The following CERS6 variants were observed in gnomAD, a reference collection of about 807,000 sequenced individuals.
CERS6 encodes ceramide synthase 6.
Under a neutral mutation model 56.8 loss-of-function variants are expected in CERS6, and 26 were observed. That is an observed-to-expected ratio of 0.46 (90% confidence interval 0.34 to 0.63). CERS6 has a LOEUF of 0.63. Ranked by LOEUF, CERS6 falls within the 30% of genes least tolerant of loss-of-function variation. CERS6 has a pLI of 0.01. For missense variants in CERS6, 415 were observed against 467.5 expected, an observed-to-expected ratio of 0.89 and a Z score of 1.04; for synonymous variants, 164 against 173.3, an observed-to-expected ratio of 0.95 and a Z score of 0.42.
chr2:168,490,463 C>A (rs1694350237), intron 1 of CERS6, among the ~76,000 whole-genome samples: 1 of 152,136 alleles, frequency 6.6e-6, no homozygotes, highest in African/African-American at 2.4e-5. Context: ...CCAAACAAAA[C>A]AAAACTGGAA....
chr2:168,613,515 T>TG (rs756588513), intron 3 of CERS6, among the ~76,000 whole-genome samples: 23 of 152,276 alleles, frequency 1.5e-4, no homozygotes, highest in Admixed American at 3.9e-4. Flanking sequence ...TGTCAAATAT[T>TG]GCAGGATCAA....
intron 4 of CERS6, among the ~76,000 whole-genome samples, chr2:168,631,462 AATATAAT>A (rs1242197875): frequency 3.9e-5 from 5 of 127,802 alleles, no homozygotes; most frequent in African/African-American, 1.5e-4. Flanking sequence ...ATTATATAAA[AATATAAT>A]ATATAATATA....
intron 8 of CERS6, among the ~76,000 whole-genome samples, chr2:168,749,066 ACT>A (rs370242283): frequency 5.4e-5 from 8 of 149,512 alleles, no homozygotes; most frequent in African/African-American, 1.7e-4. Context: ...TTCCAGAAGC[ACT>A]CTCTCTCCTA....
At chr2:168,706,641 CT>C (rs1686947887) in intron 6 of CERS6, among the ~76,000 whole-genome samples, 1 of 152,128 alleles carries the variant, frequency 6.6e-6, no homozygotes, top group African/African-American at 2.4e-5. Flanking sequence ...TATAGTTTAT[CT>C]GAATTTTGAG....
At chr2:168,729,847 T>C (rs902424134) in intron 8 of CERS6, among the ~76,000 whole-genome samples, 2 of 152,228 alleles carry the variant, frequency 1.3e-5, no homozygotes, top group African/African-American at 4.8e-5. Context: ...TCCTCATAGA[T>C]AAAGAATCAT....
At chr2:168,761,307 A>C (rs1297806696) in intron 8 of CERS6, among the ~76,000 whole-genome samples, 1 of 152,206 alleles carries the variant, frequency 6.6e-6, no homozygotes, top group South Asian at 2.1e-4. Context: ...ATAAATCCTG[A>C]TGCAGTGTTT....
intron 1 of CERS6, among the ~76,000 whole-genome samples, chr2:168,511,950 G>GCACA (rs10568314): frequency 1.9e-3 from 287 of 148,630 alleles, no homozygotes; most frequent in African/African-American, 3.7e-3. Context: ...GCATGCACGT[G>GCACA]CACACACACA....
At chr2:168,635,817 C>G (rs191638883) in intron 4 of CERS6, among the ~76,000 whole-genome samples, 3 of 152,320 alleles carry the variant, frequency 2.0e-5, no homozygotes, top group Non-Finnish European at 4.4e-5. Flanking sequence ...TGCAGCCTTT[C>G]ATTCTTCATG....
At chr2:168,744,515 G>A (rs570439508) in intron 8 of CERS6, among the ~76,000 whole-genome samples, 5 of 152,298 alleles carry the variant, frequency 3.3e-5, no homozygotes, top group Admixed American at 6.5e-5. Context: ...GAGGATAAGC[G>A]TAAGCTTTGA....
chr2:168,611,506 G>T (rs767442662), intron 3 of CERS6, among the ~76,000 whole-genome samples: 2 of 152,270 alleles, frequency 1.3e-5, no homozygotes, highest in Non-Finnish European at 2.9e-5. Context: ...AATACAAAAA[G>T]ATTTTAAAAC....
intron 1 of CERS6, among the ~76,000 whole-genome samples, chr2:168,464,328 A>T (rs1693832777): frequency 6.6e-6 from 1 of 151,716 alleles, no homozygotes; most frequent in African/African-American, 2.4e-5. Context: ...AGTAGCTGGG[A>T]TTATGTATTT....
At chr2:168,639,496 C>T (rs1376879580) in intron 4 of CERS6, among the ~76,000 whole-genome samples, 1 of 152,200 alleles carries the variant, frequency 6.6e-6, no homozygotes, top group East Asian at 1.9e-4. Flanking sequence ...TAATGGCGTT[C>T]ACATACCATG....
chr2:168,611,738 T>C (rs539782291), intron 3 of CERS6, among the ~76,000 whole-genome samples: 4 of 152,200 alleles, frequency 2.6e-5, no homozygotes, highest in Non-Finnish European at 4.4e-5. Flanking sequence ...TATTAAACAT[T>C]AAATAACTTT....
At chr2:168,659,941 C>T (rs1364988336) in intron 4 of CERS6, among the ~76,000 whole-genome samples, 7 of 152,190 alleles carry the variant, frequency 4.6e-5, no homozygotes, top group Non-Finnish European at 1.0e-4. Context: ...GATGCAAAAT[C>T]AAGAAAACAG....
intron 3 of CERS6, among the ~76,000 whole-genome samples, chr2:168,573,190 TG>T (rs771061649): frequency 6.6e-6 from 1 of 151,968 alleles, no homozygotes; most frequent in South Asian, 2.1e-4. Flanking sequence ...CAGTAACCTA[TG>T]GGGGAAAAAA....
intron 1 of CERS6, among the ~76,000 whole-genome samples, chr2:168,514,206 C>G (rs532517233): frequency 6.6e-6 from 1 of 152,148 alleles, no homozygotes; most frequent in African/African-American, 2.4e-5. Context: ...ATTTTAAACC[C>G]TTCTTTGCTC....
chr2:168,700,385 A>C (rs1686775577), intron 6 of CERS6, among the ~76,000 whole-genome samples: 1 of 152,216 alleles, frequency 6.6e-6, no homozygotes, highest in African/African-American at 2.4e-5. Flanking sequence ...GAAACTATGT[A>C]GTGTACGGTG....
At chr2:168,556,658 A>G (rs920984431) in intron 2 of CERS6, among the ~76,000 whole-genome samples, 1 of 152,194 alleles carries the variant, frequency 6.6e-6, no homozygotes, top group South Asian at 2.1e-4. Context: ...GAGTCTTGCT[A>G]TAATCTAGGA....
chr2:168,490,654 T>C (rs1166837866), intron 1 of CERS6, among the ~76,000 whole-genome samples: 1 of 152,166 alleles, frequency 6.6e-6, no homozygotes, highest in African/African-American at 2.4e-5. Context: ...CATACTTCCC[T>C]TTGTTGCTCA....
Sources: allele counts gnomAD v4.1 joint callset (sites outside exome capture counted in the v4.1 genomes callset), GRCh38; gene constraint gnomAD v4.1.1; transcripts MANE v1.5; gene names NCBI Gene and HGNC (gene_info 2026-07-23, HGNC 2026-07-21).